Variants in MIA3 observed in about 807,000 individuals in gnomAD.
The protein encoded by MIA3 is MIA SH3 domain ER export factor 3.
Under a neutral mutation model 192.4 loss-of-function variants are expected in MIA3, and 90 were observed. That is an observed-to-expected ratio of 0.47 (90% CI 0.39 to 0.56). The LOEUF (loss-of-function observed/expected upper bound fraction) is 0.56, where lower values mean the gene tolerates loss of function less well. MIA3 is among the 20% of genes least tolerant of loss of function. MIA3 has a pLI of 0.00. For synonymous variants in MIA3, 740 were observed against 792.8 expected, an observed-to-expected ratio of 0.93 and a Z score of 1.12; for missense variants, 2,123 against 2,269.4, an observed-to-expected ratio of 0.94 and a Z score of 1.31.
At chr1:222,626,492 A>G (rs1662124863) in intron 3 of MIA3, among the ~76,000 whole-genome samples, 1 of 152,220 alleles carries the variant, frequency 6.6e-6, no homozygotes, top group Non-Finnish European at 1.5e-5. Flanking sequence ...GTGAATGTTT[A>G]GTTAGGGGAA....
At chr1:222,665,239 A>G in intron 27 of MIA3, 70 bp from the exon 28 acceptor site, 1 of 1,078,438 alleles carries the variant, frequency 9.3e-7, no homozygotes, top group Non-Finnish European at 1.4e-6. Flanking sequence ...AGACTATATT[A>G]ACATACCTGG....
intron 5 of MIA3, 32 bp downstream of exon 5, chr1:222,632,358 G>A (rs1432022825): frequency 1.3e-6 from 2 of 1,586,434 alleles, no homozygotes; most frequent in Non-Finnish European, 1.7e-6. Flanking sequence ...CTACAAAGTG[G>A]AGAAATCATA....
chr1:222,644,499 G>A (rs1246005540), intron 6 of MIA3: 1 of 1,550,614 alleles, frequency 6.4e-7, no homozygotes, highest in Middle Eastern at 1.7e-4. Flanking sequence ...CTGCCACTGT[G>A]CCTTCTATCG....
At chr1:222,661,651 T>C (rs1378538302) in intron 24 of MIA3, 1 of 163,032 alleles carries the variant, frequency 6.1e-6, no homozygotes, top group African/African-American at 2.4e-5. Flanking sequence ...AACTTTATCG[T>C]TTATGCGGCA....
At chr1:222,633,476 A>G (rs547869946) in intron 6 of MIA3, among the ~76,000 whole-genome samples, 1 of 152,284 alleles carries the variant, frequency 6.6e-6, no homozygotes, top group Non-Finnish European at 1.5e-5. Context: ...ACACCTGTCA[A>G]ACGTGGTTCT....
At chr1:222,657,072 G>C (rs1479116821) in intron 18 of MIA3, among the ~76,000 whole-genome samples, 1 of 152,194 alleles carries the variant, frequency 6.6e-6, no homozygotes, top group East Asian at 1.9e-4. Context: ...TTTTGATGGA[G>C]TGGTGAACAT....
At chr1:222,655,962 C>CTTTTTTTTTTTTTTTTTTTTTT (rs1283360501) in intron 18 of MIA3, among the ~76,000 whole-genome samples, 1 of 71,278 alleles carries the variant, frequency 1.4e-5, no homozygotes, top group Non-Finnish European at 2.5e-5. Flanking sequence ...ACTTTCTTTC[C>CTTTTTTTTTTTTTTTTTTTTTT]CTTTTTTTTT....
chr1:222,660,177 G>A lies in MIA3; in HGVS notation c.4976G>A (p.Gly1659Asp), dbSNP rs1371564068. ...GCTAACAAGATGCTGTCATCTTTAG[G>A]TCCTCTGAGCCAGAATGGCTCTTTT... The part of the protein sequence containing the change: ...KPNTQNPPRR[G>D]PLSQNGSFGP... Residue 1659 changes from glycine to aspartate, a missense_variant and splice_region_variant, in exon 24 of 28, where the codon GGT (glycine) becomes GAT (aspartate). Gly to Asp is a moderately conservative substitution (Grantham distance 94, BLOSUM62 -1). This residue lies in a region of MIA3 where 762 missense variants were observed against 856.4 expected (regional missense o/e 0.89). Transcript: ENST00000344922. 2 of 1,610,032 alleles carry A rather than the reference G, an allele frequency of 1.2e-6. No homozygotes were observed. Among genetic ancestry groups the A allele is most frequent in the East Asian group, 2.2e-5 (1 of 44,882 alleles).
chr1:222,645,088 A>G (rs2124888147), intron 6 of MIA3, among the ~76,000 whole-genome samples: 1 of 152,338 alleles, frequency 6.6e-6, no homozygotes, highest in South Asian at 2.1e-4. Flanking sequence ...TCGATTTAAG[A>G]TTTTAAATCT....
intron 22 of MIA3, 46 bp downstream of exon 22, chr1:222,659,847 G>A (rs1274264840): frequency 6.2e-7 from 1 of 1,607,816 alleles, no homozygotes; most frequent in Non-Finnish European, 8.5e-7. Flanking sequence ...GTTCTCTTAA[G>A]GAATTGGTTT....
rs758753589 is a variant in MIA3 at position 222,654,741 on chromosome 1, A to G, written c.4555A>G (p.Lys1519Glu). 14 of 1,614,082 alleles carry G rather than the reference A, an allele frequency of 8.7e-6. No homozygotes were observed. The highest frequency in any genetic ancestry group is 6.8e-6 in the Non-Finnish European group (8 of 1,180,024). Residue 1519 changes from lysine (K) to glutamate (E), a missense_variant, in exon 18 of 28, where the codon AAA becomes GAA. Lys to Glu is a moderately conservative substitution (Grantham distance 56). Around this residue, in one of 3 missense-constraint regions of MIA3, gnomAD observed 762 missense variants for 856.4 expected, o/e 0.89. Coordinates refer to ENST00000344922, the MANE Select transcript of MIA3 (RefSeq NM_198551.4). ...AGATGAATGCAAAACCTTGAGGCAG[A>G]AAGTGGAGATTCTGAATGAGCTCTA... ...LEDECKTLRQ[K>E]VEILNELYQQ... is the part of the protein sequence containing the mutation.
rs1351894960 is a variant in MIA3, at chr1:222,667,263, C to A, written c.*1644C>A. The A allele has an allele frequency of 6.6e-6, 1 of 152,068 alleles. No individual in the cohort carries two copies. The highest frequency in any genetic ancestry group is 1.5e-5 in the Non-Finnish European group (1 of 67,990). 9.4% of individuals were successfully genotyped at this position (152,068 alleles called of 1,614,324 possible). On this transcript the variant is annotated 3_prime_UTR_variant, in exon 28 of 28. Coordinates refer to ENST00000344922, the MANE Select transcript of MIA3 (RefSeq NM_198551.4). ...ATCTATATGTCCTCCCGTTTAATATCAAGAATAGAAGAAATTAAGAGGAAA... is the reference window on the plus strand; with the variant it reads ...ATCTATATGTCCTCCCGTTTAATATAAAGAATAGAAGAAATTAAGAGGAAA...
intron 3 of MIA3, among the ~76,000 whole-genome samples, chr1:222,626,392 A>C (rs1662120799): frequency 6.6e-6 from 1 of 152,064 alleles, no homozygotes; most frequent in Non-Finnish European, 1.5e-5. Context: ...TGATTCCCTT[A>C]ATATTAAAAA....
At chr1:222,657,653 T>TTCCTAAGC (rs1663805051) in intron 18 of MIA3, among the ~76,000 whole-genome samples, 1 of 152,204 alleles carries the variant, frequency 6.6e-6, no homozygotes, top group Non-Finnish European at 1.5e-5. Context: ...TCCACATCCC[T>TTCCTAAGC]TCCTAAGCCA....
chr1:222,637,792 G>A (rs1215128212), intron 6 of MIA3, among the ~76,000 whole-genome samples: 1 of 151,616 alleles, frequency 6.6e-6, no homozygotes, highest in African/African-American at 2.4e-5. Flanking sequence ...TCTGGGCTCA[G>A]GTGATCCTCC....
At chr1:222,634,844 G>A (rs541873621) in intron 6 of MIA3, among the ~76,000 whole-genome samples, 9 of 152,282 alleles carry the variant, frequency 5.9e-5, no homozygotes, top group African/African-American at 1.7e-4. Flanking sequence ...CAAAGCTATC[G>A]ATTAGAAGTT....
At chr1:222,621,584 C>A (rs541336380) in intron 2 of MIA3, among the ~76,000 whole-genome samples, 2 of 152,268 alleles carry the variant, frequency 1.3e-5, no homozygotes, top group African/African-American at 4.8e-5. Flanking sequence ...AAAAATACTT[C>A]ATTGCTTTAA....
chr1:222,652,952 A>T, intron 13 of MIA3, 56 bp from the exon 14 acceptor site: 1 of 1,568,766 alleles, frequency 6.4e-7, no homozygotes, highest in Non-Finnish European at 8.7e-7. Flanking sequence ...ATGTGGTCCT[A>T]ATGTCTCCAG....
rs546401565 is a variant in MIA3 at position 222,621,003 on chromosome 1, G to A, written c.134-156G>A. ...TATAGCAGTAAAGCTCAAAGGATTT[G>A]AGATACTTTGAGCATATGAAAGAAA... On this transcript the variant is annotated intron_variant, in intron 1 of 27. Coordinates refer to ENST00000344922, the MANE Select transcript of MIA3 (RefSeq NM_198551.4). Among the ~76,000 whole-genome samples, 106 of 152,270 alleles carry A rather than the reference G, an allele frequency of 7.0e-4. 1 individual carries two copies. Among genetic ancestry groups the A allele is most frequent in the Admixed American group, 2.4e-3 (36 of 15,298 alleles).
Sources: gnomAD v4.1 joint callset for allele counts (sites outside exome capture counted in the v4.1 genomes callset) on GRCh38, gnomAD v4.1.1 for gene constraint, gnomAD v4.1.1 regional missense constraint, MANE v1.5 for transcripts, NCBI Gene and HGNC (gene_info 2026-07-23, HGNC 2026-07-21) for gene names.